MYO5B: variants seen among roughly 807,000 people sequenced by gnomAD.
MYO5B encodes unconventional myosin-Vb.
Under a neutral mutation model 229.3 loss-of-function variants are expected in MYO5B, and 143 were observed. That is an observed-to-expected ratio of 0.62 (90% CI 0.54 to 0.72). MYO5B has a LOEUF of 0.72. MYO5B is among the 30% of genes least tolerant of loss of function. The pLI, the probability that MYO5B is intolerant of heterozygous loss-of-function variation, is 0.00. For synonymous variants in MYO5B, 918 were observed against 885.2 expected, an observed-to-expected ratio of 1.04 and a Z score of -0.66; for missense variants, 2,321 against 2,331.0, an observed-to-expected ratio of 1.00 and a Z score of 0.09.
chr18:50,021,174 T>C (rs1239271616), intron 4 of MYO5B, among the ~76,000 whole-genome samples: 1 of 152,186 alleles, frequency 6.6e-6, no homozygotes, highest in Non-Finnish European at 1.5e-5. Flanking sequence ...GTCAAACAGG[T>C]CGGCTCACAC....
intron 14 of MYO5B, among the ~76,000 whole-genome samples, chr18:49,943,360 A>T (rs551400944): frequency 1.0e-4 from 15 of 150,634 alleles, no homozygotes; most frequent in Non-Finnish European, 1.8e-4. Flanking sequence ...AAGTATAATT[A>T]AAAAAAAAAT....
At chr18:50,031,167 G>A (rs913147145) in intron 4 of MYO5B, among the ~76,000 whole-genome samples, 11 of 152,062 alleles carry the variant, frequency 7.2e-5, no homozygotes, top group African/African-American at 2.4e-4. Flanking sequence ...AAACAGATTG[G>A]GTCTAAATTC....
intron 10 of MYO5B, among the ~76,000 whole-genome samples, chr18:49,964,593 A>T (rs1191745179): frequency 6.6e-6 from 1 of 152,158 alleles, no homozygotes; most frequent in African/African-American, 2.4e-5. Context: ...CAACTGTGTA[A>T]TGTTAGCTTT....
At chr18:50,029,067 A>G (rs1371517536) in intron 4 of MYO5B, among the ~76,000 whole-genome samples, 1 of 152,348 alleles carries the variant, frequency 6.6e-6, no homozygotes, top group East Asian at 1.9e-4. Context: ...ATCATTAGCC[A>G]TATTCACTGC....
rs62101465 is a variant in MYO5B at position 50,120,707 on chromosome 18, C to T, written c.28-65329G>A. 7.7e-3 allele frequency among the ~76,000 whole-genome samples: 1,166 copies of T among 152,226 alleles called. 8 individuals are homozygous for T. The highest frequency in any genetic ancestry group is 0.011 in the Non-Finnish European group (777 of 68,020). The stretch of plus-strand genomic sequence containing the variant: ...TTGTATGTGATATGGAGACAATAAT[C>T]CCTGCTTAGTCTAGGGGTGGAGAAC... On this transcript the variant is annotated intron_variant, in intron 1 of 39. Transcript: ENST00000285039.
chr18:50,052,665 C>A (rs183960938), intron 2 of MYO5B, among the ~76,000 whole-genome samples: 7 of 149,220 alleles, frequency 4.7e-5, no homozygotes. Flanking sequence ...TGTAACTAAC[C>A]TGCACATTGT....
chr18:49,989,941 TC>T (rs2025911412), intron 7 of MYO5B, among the ~76,000 whole-genome samples: 2 of 152,080 alleles, frequency 1.3e-5, no homozygotes, highest in African/African-American at 2.4e-5. Flanking sequence ...CAGAGCCCCC[TC>T]TTATCCTCTG....
rs1195449109 is a variant in MYO5B, at chr18:49,939,143, TTTTTC to T, written c.1753-1751_1753-1747del. Among the ~76,000 whole-genome samples, 402 of 134,404 alleles carry T rather than the reference TTTTTC, an allele frequency of 3.0e-3. 4 individuals carry two copies. Among genetic ancestry groups the T allele is most frequent in the African/African-American group, 0.011 (388 of 35,542 alleles). The allele number at this position is 134,404 out of a possible 152,430, so 88.2% of individuals were successfully genotyped here. On this transcript the variant is annotated intron_variant, in intron 14 of 39. Coordinates refer to ENST00000285039, the MANE Select transcript of MYO5B (RefSeq NM_001080467.3). ...TTATATACATTAACACTCTTTCTTT[TTTTTC>T]TTTTTTTTTTTTTTTTTTGAAACAG...
rs114100710 is a variant in MYO5B at position 49,855,858 on chromosome 18, C to T, written c.4022+955G>A. Among the ~76,000 whole-genome samples, 1,403 of 152,348 alleles carry T rather than the reference C, an allele frequency of 9.2e-3. 38 individuals are homozygous for T. In the South Asian group the frequency reaches 0.12, roughly 13 times the overall value. ...CTCAGCAGGCGGCAAGGAGAAGCAG[C>T]ATGAGGGCTTCTGGCTCCTGCTCCG... On this transcript the variant is annotated intron_variant, in intron 30 of 39. Transcript: ENST00000285039.
intron 7 of MYO5B, 130 bp downstream of exon 7, chr18:49,990,309 G>T: frequency 1.3e-6 from 1 of 742,306 alleles, no homozygotes; most frequent in Admixed American, 2.0e-5. Flanking sequence ...GAGGCCTAGG[G>T]GTTATGGCCA....
intron 18 of MYO5B, among the ~76,000 whole-genome samples, chr18:49,907,401 T>A (rs1335206330): frequency 6.6e-6 from 1 of 152,206 alleles, no homozygotes; most frequent in African/African-American, 2.4e-5. Flanking sequence ...CTTAATTACA[T>A]CCATTAGGTT....
intron 2 of MYO5B, among the ~76,000 whole-genome samples, chr18:50,046,168 G>A (rs952980449): frequency 6.6e-5 from 10 of 152,164 alleles, no homozygotes; most frequent in African/African-American, 2.4e-4. Context: ...GGTGGAAATC[G>A]CACCGAATAG....
intron 33 of MYO5B, among the ~76,000 whole-genome samples, chr18:49,846,004 T>G (rs2024121597): frequency 6.6e-6 from 1 of 152,166 alleles, no homozygotes; most frequent in Admixed American, 6.5e-5. Context: ...TGGAAGGTCT[T>G]TCAGTCCTAG....
At chr18:49,888,304 C>T (rs1432382674) in intron 22 of MYO5B, among the ~76,000 whole-genome samples, 2 of 152,106 alleles carry the variant, frequency 1.3e-5, no homozygotes, top group African/African-American at 2.4e-5. Flanking sequence ...TGTCTCCAGG[C>T]ACTGCCATAC....
intron 2 of MYO5B, among the ~76,000 whole-genome samples, chr18:50,053,018 C>A (rs1317169041): frequency 6.6e-6 from 1 of 152,116 alleles, no homozygotes; most frequent in East Asian, 1.9e-4. Context: ...GCTGCTGGGG[C>A]AGATTTTCCA....
chr18:49,956,696 G>T (rs2144250815), intron 12 of MYO5B, among the ~76,000 whole-genome samples: 1 of 152,164 alleles, frequency 6.6e-6, no homozygotes, highest in East Asian at 1.9e-4. Flanking sequence ...ACTTCTTTCT[G>T]CTCTTCTCAA....
chr18:50,000,465 A>G (rs1252986968), intron 5 of MYO5B, among the ~76,000 whole-genome samples: 2 of 152,218 alleles, frequency 1.3e-5, no homozygotes, highest in African/African-American at 4.8e-5. Flanking sequence ...CTTTAGCTTC[A>G]AAGGTGGGGA....
chr18:50,051,177 T>C (rs980065870), intron 2 of MYO5B, among the ~76,000 whole-genome samples: 70 of 152,208 alleles, frequency 4.6e-4, no homozygotes, highest in African/African-American at 1.6e-3. Flanking sequence ...ATTAAAAATA[T>C]GAGATTTAAA....
chr18:49,833,409 T>C (rs1021106439), intron 39 of MYO5B, among the ~76,000 whole-genome samples: 6 of 152,246 alleles, frequency 3.9e-5, no homozygotes, highest in African/African-American at 1.4e-4. Flanking sequence ...CTTCTGAGCA[T>C]TGTATAGGTA....
Sources: allele counts gnomAD v4.1 joint callset (sites outside exome capture counted in the v4.1 genomes callset), GRCh38; gene constraint gnomAD v4.1.1; transcripts MANE v1.5; gene names NCBI Gene and HGNC (gene_info 2026-07-23, HGNC 2026-07-21).